The following TMEM266 variants were observed in gnomAD, a reference collection of about 807,000 sequenced individuals.
TMEM266 encodes transmembrane protein 266.
TMEM266 carries 33 observed loss-of-function variants against 50.5 expected under a neutral mutation model. That is an observed-to-expected ratio of 0.65 (90% CI 0.50 to 0.87). The LOEUF is 0.87. Ranked by LOEUF, TMEM266 falls within the 40% of genes least tolerant of loss-of-function variation. The pLI, the probability that TMEM266 is intolerant of heterozygous loss-of-function variation, is 0.00. For missense variants in TMEM266, 655 were observed against 695.1 expected, an observed-to-expected ratio of 0.94 and a Z score of 0.65; for synonymous variants, 310 against 292.3, an observed-to-expected ratio of 1.06 and a Z score of -0.62.
intron 1 of TMEM266, among the ~76,000 whole-genome samples, chr15:76,069,175 C>T (rs766611837): frequency 1.2e-4 from 19 of 152,256 alleles, no homozygotes; most frequent in Non-Finnish European, 1.9e-4. Context: ...AACTCAGATT[C>T]GGCCTAGTTA....
intron 1 of TMEM266, among the ~76,000 whole-genome samples, chr15:76,093,810 AC>A (rs1377116594): frequency 6.6e-6 from 1 of 151,970 alleles, no homozygotes; most frequent in Admixed American, 6.6e-5. Flanking sequence ...CGCCATTTTA[AC>A]TGGTGGGAGA....
At chr15:76,102,775 G>A (rs913267400) in intron 1 of TMEM266, among the ~76,000 whole-genome samples, 8 of 149,716 alleles carry the variant, frequency 5.3e-5, no homozygotes, top group Non-Finnish European at 1.2e-4. Context: ...GGAGGCGGAG[G>A]TTGCAGTGAG....
intron 1 of TMEM266, among the ~76,000 whole-genome samples, chr15:76,083,869 A>G (rs2036731887): frequency 6.6e-6 from 1 of 152,140 alleles, no homozygotes; most frequent in Non-Finnish European, 1.5e-5. Flanking sequence ...GAGTATTCCA[A>G]AAGTTGGTCA....
At chr15:76,184,718 G>T (rs547844525) in intron 8 of TMEM266, among the ~76,000 whole-genome samples, 12 of 152,312 alleles carry the variant, frequency 7.9e-5, no homozygotes, top group African/African-American at 2.6e-4. Context: ...GGGTGTGCCC[G>T]TCCTGCCGCC....
Position 76,171,098 on chromosome 15 carries a change from C to T in TMEM266, c.619C>T (p.Leu207Phe), listed in dbSNP as rs2142060547. 1 of 1,613,714 alleles carries T rather than the reference C, an allele frequency of 6.2e-7. No homozygotes were observed. Among genetic ancestry groups the T allele is most frequent in the South Asian group, 1.1e-5 (1 of 90,920 alleles). The change falls in exon 7 of 11, where the codon CTC becomes TTC. Residue 207 changes from leucine (L) to phenylalanine (F), a missense_variant. Leu to Phe is a conservative substitution (Grantham distance 22, BLOSUM62 0). Around this residue, in one of 3 missense-constraint regions of TMEM266, gnomAD observed 101 missense variants for 182.6 expected, o/e 0.55. Transcript: ENST00000388942. Reference sequence around the variant, plus strand: ...GGACGCCATCAGCCTCATCATCATGCTCCGGATCTGGAGGGTGAAGAGGGT... The same window carrying T: ...GGACGCCATCAGCCTCATCATCATGTTCCGGATCTGGAGGGTGAAGAGGGT...
At chr15:76,162,136 C>T (rs563743758) in intron 5 of TMEM266, among the ~76,000 whole-genome samples, 71 of 152,190 alleles carry the variant, frequency 4.7e-4, no homozygotes, top group Admixed American at 9.8e-4. Flanking sequence ...CACAGCTGAG[C>T]GGGGAGAGCA....
chr15:76,171,183 C>T, intron 7 of TMEM266, 52 bp downstream of exon 7: 1 of 1,597,236 alleles, frequency 6.3e-7, no homozygotes, highest in Non-Finnish European at 8.6e-7. Flanking sequence ...GAAAGTGGGG[C>T]TTTCAACTGA....
Position 76,125,760 on chromosome 15 carries a change from A to C in TMEM266, c.-96-8408A>C, listed in dbSNP as rs191532675. 1.7e-3 allele frequency among the ~76,000 whole-genome samples: 258 copies of C among 150,722 alleles called. 2 individuals are homozygous for C. Among genetic ancestry groups the C allele is most frequent in the Non-Finnish European group, 2.0e-3 (133 of 67,764 alleles). ...CTACCCGGGAGGCTGAGGCAGGAGA[A>C]TTGCTGGAACCCGGGAGGCAGAGGC... On this transcript the variant is annotated intron_variant, in intron 1 of 10. Transcript: ENST00000388942.
chr15:76,106,051 A>T (rs2935973), intron 1 of TMEM266, among the ~76,000 whole-genome samples: 1 of 151,518 alleles, frequency 6.6e-6, no homozygotes, highest in South Asian at 2.1e-4. Flanking sequence ...AGATTCCCAG[A>T]TGCACAGGCC....
rs544531687 is a variant in TMEM266 at position 76,104,478 on chromosome 15, G to A, written c.-96-29690G>A. Among the ~76,000 whole-genome samples, 4 of 152,290 alleles carry A rather than the reference G, an allele frequency of 2.6e-5. No homozygotes were observed. The South Asian group carries it at 6.2e-4, about 24-fold the overall frequency. On this transcript the variant is annotated intron_variant, in intron 1 of 10. Transcript: ENST00000388942. ...CTACTGGACAGCGCTGATATGTCTC[G>A]AGATGTGGTGAGATTTCCAGGGCAG...
intron 1 of TMEM266, among the ~76,000 whole-genome samples, chr15:76,075,266 G>A (rs138938591): frequency 6.6e-6 from 1 of 152,212 alleles, no homozygotes; most frequent in East Asian, 1.9e-4. Flanking sequence ...AGAGAAAGGG[G>A]CTGAGTAATG....
intron 1 of TMEM266, among the ~76,000 whole-genome samples, chr15:76,108,803 A>G (rs552876872): frequency 3.3e-4 from 51 of 152,308 alleles, no homozygotes; most frequent in African/African-American, 1.0e-3. Context: ...ACAATGTTAC[A>G]TTCTTGTCAC....
At chr15:76,199,358 AAGG>A (rs1352725842) in intron 9 of TMEM266, among the ~76,000 whole-genome samples, 2 of 152,208 alleles carry the variant, frequency 1.3e-5, no homozygotes. Flanking sequence ...AACACAGAGA[AAGG>A]AGAACGATCT....
intron 1 of TMEM266, among the ~76,000 whole-genome samples, chr15:76,117,680 A>T (rs930059733): frequency 1.3e-5 from 2 of 152,186 alleles, no homozygotes; most frequent in African/African-American, 4.8e-5. Flanking sequence ...AGGGCTAGGC[A>T]CTTCTGGAGG....
At chr15:76,109,245 G>A (rs1012045695) in intron 1 of TMEM266, 17 of 152,358 alleles carry the variant, frequency 1.1e-4, no homozygotes, top group African/African-American at 3.6e-4. Flanking sequence ...GTCAGGTGGA[G>A]TTGTTCTGAA....
intron 1 of TMEM266, among the ~76,000 whole-genome samples, chr15:76,075,623 C>G (rs2036593634): frequency 6.6e-6 from 1 of 151,962 alleles, no homozygotes; most frequent in African/African-American, 2.4e-5. Context: ...TTATCAGACA[C>G]TTTCTACATG....
At chr15:76,116,008 G>A (rs922779642) in intron 1 of TMEM266, among the ~76,000 whole-genome samples, 3 of 151,872 alleles carry the variant, frequency 2.0e-5, no homozygotes, top group South Asian at 4.2e-4. Flanking sequence ...CCCCTGCCCC[G>A]CCCCCCACAT....
chr15:76,078,940 G>A (rs772950752), intron 1 of TMEM266, among the ~76,000 whole-genome samples: 59 of 152,198 alleles, frequency 3.9e-4, no homozygotes, highest in Admixed American at 3.3e-3. Context: ...CCTTGGCTGC[G>A]GCAGCATAAA....
intron 1 of TMEM266, among the ~76,000 whole-genome samples, chr15:76,127,041 G>T (rs779524870): frequency 3.9e-5 from 6 of 152,078 alleles, no homozygotes; most frequent in Non-Finnish European, 7.4e-5. Flanking sequence ...CCACCATAGT[G>T]ACTAATAATG....
Sources: gnomAD v4.1 joint callset for allele counts (sites outside exome capture counted in the v4.1 genomes callset) on GRCh38, gnomAD v4.1.1 for gene constraint, gnomAD v4.1.1 regional missense constraint, MANE v1.5 for transcripts, NCBI Gene and HGNC (gene_info 2026-07-23, HGNC 2026-07-21) for gene names.